NOD1: variants seen among roughly 807,000 people sequenced by gnomAD.
NOD1 encodes the protein nucleotide binding oligomerization domain containing 1.
In NOD1, 70 loss-of-function variants were observed where a neutral mutation model predicts 81.2. The ratio of observed to expected loss-of-function variants is 0.86; its 90% CI spans 0.71 to 1.05. The LOEUF (loss-of-function observed/expected upper bound fraction) is 1.05. Among genes scored for constraint, NOD1 ranks in the 50% least tolerant of loss-of-function variants. The pLI, the probability that NOD1 is intolerant of heterozygous loss-of-function variation, is 0.00. For synonymous variants in NOD1, 508 were observed against 526.9 expected, an observed-to-expected ratio of 0.96 and a Z score of 0.49; for missense variants, 1,233 against 1,228.0, an observed-to-expected ratio of 1.00 and a Z score of -0.06.
rs34626585 is a variant in NOD1, at chr7:30,455,590, C to CTTT, written c.202-282_202-280dup. Among the ~76,000 whole-genome samples, 637 of 143,054 alleles carry CTTT rather than the reference C, an allele frequency of 4.5e-3. 6 individuals carry two copies. Among genetic ancestry groups the CTTT allele is most frequent in the Non-Finnish European group, 6.0e-3 (391 of 65,692 alleles). 93.8% of individuals were successfully genotyped at this position (143,054 alleles called of 152,430 possible). A position where few individuals can be genotyped will look rare whatever the true frequency, so the allele number is the denominator to read the frequency against. On this transcript the variant is annotated intron_variant, in intron 4 of 13. Coordinates refer to ENST00000222823, the MANE Select transcript of NOD1 (RefSeq NM_006092.4). ...CAAATAGCCATGGACTTCTCTACCTCTTTTTTTTTTTTTTCTTTTTTGAGA... is the reference window on the plus strand; with the variant it reads ...CAAATAGCCATGGACTTCTCTACCTCTTTTTTTTTTTTTTTTTCTTTTTTGAGA...
chr7:30,450,974 G>A (rs1458605085), intron 6 of NOD1, among the ~76,000 whole-genome samples: 1 of 152,204 alleles, frequency 6.6e-6, no homozygotes, highest in Non-Finnish European at 1.5e-5. Context: ...TTCCAGATGA[G>A]GGCGTGGAGG....
At chr7:30,463,080 T>C (rs2128088620) in intron 1 of NOD1, among the ~76,000 whole-genome samples, 1 of 151,530 alleles carries the variant, frequency 6.6e-6, no homozygotes, top group South Asian at 2.1e-4. Flanking sequence ...ATAAGGAAAA[T>C]TTCTGGGGAG....
At chr7:30,464,176 G>A (rs4409301) in intron 1 of NOD1, 23,539 of 152,280 alleles carry the variant, frequency 0.15, 2,080 homozygotes, top group Admixed American at 0.23. Context: ...ACGTGCCAAA[G>A]GGAGGCTCAA....
chr7:30,460,759 T>C (rs1786969828), intron 1 of NOD1: 5 of 846,792 alleles, frequency 5.9e-6, no homozygotes, highest in Non-Finnish European at 7.1e-6. Context: ...GCATTTCCTC[T>C]CAACCGCTCT....
chr7:30,438,610 C>G (rs1347247468), intron 9 of NOD1, among the ~76,000 whole-genome samples: 2 of 152,226 alleles, frequency 1.3e-5, no homozygotes, highest in African/African-American at 4.8e-5. Flanking sequence ...AGCAAACTAC[C>G]TGCTTACACC....
intron 3 of NOD1, among the ~76,000 whole-genome samples, chr7:30,458,733 G>A (rs946928521): frequency 2.0e-5 from 3 of 148,484 alleles, no homozygotes; most frequent in African/African-American, 7.5e-5. Flanking sequence ...TACTAATCCA[G>A]CCTTTTCTTT....
chr7:30,448,438 C>G (rs759965860), intron 6 of NOD1, 57 bp from the exon 7 acceptor site: 3 of 1,388,856 alleles, frequency 2.2e-6, no homozygotes, highest in Non-Finnish European at 3.1e-6. Context: ...TATGAAGGAC[C>G]ATTAATCTTA....
At chr7:30,433,253 G>C in intron 11 of NOD1, 74 bp from the exon 12 acceptor site, 1 of 1,204,464 alleles carries the variant, frequency 8.3e-7, no homozygotes. Context: ...CACAGGAGCG[G>C]GAGCTCAGCC....
intron 1 of NOD1, among the ~76,000 whole-genome samples, chr7:30,465,657 C>CTT (rs11382352): frequency 6.1e-5 from 9 of 148,542 alleles, no homozygotes; most frequent in Admixed American, 2.0e-4. Flanking sequence ...ATTATTCGCT[C>CTT]TTTTTTTTTT....
At chr7:30,450,317 G>C (rs756787933) in intron 6 of NOD1, among the ~76,000 whole-genome samples, 5 of 152,136 alleles carry the variant, frequency 3.3e-5, no homozygotes, top group Non-Finnish European at 7.4e-5. Flanking sequence ...TCCCAGGCTA[G>C]GGCAGCCTTC....
intron 1 of NOD1, among the ~76,000 whole-genome samples, chr7:30,476,900 T>C (rs1327013885): frequency 2.0e-5 from 3 of 152,224 alleles, no homozygotes; most frequent in Non-Finnish European, 4.4e-5. Context: ...ATAGTGGCTG[T>C]ACTAAGTAAA....
chr7:30,438,839 A>T (rs573387233), intron 9 of NOD1, among the ~76,000 whole-genome samples: 2 of 152,354 alleles, frequency 1.3e-5, no homozygotes, highest in Admixed American at 1.3e-4. Flanking sequence ...TAAAAGTTGT[A>T]CAAAGAGAGA....
At chr7:30,437,147 TCTCA>T (rs1292798997) in intron 10 of NOD1, among the ~76,000 whole-genome samples, 2 of 151,966 alleles carry the variant, frequency 1.3e-5, no homozygotes, top group Non-Finnish European at 2.9e-5. Flanking sequence ...CACTGCATGT[TCTCA>T]CTCGTAAGTG....
At chr7:30,455,084 C>T (rs1786199722) in intron 5 of NOD1, 53 bp downstream of exon 5, 2 of 1,581,200 alleles carry the variant, frequency 1.3e-6, no homozygotes, top group Non-Finnish European at 1.7e-6. Flanking sequence ...TACCAAACCC[C>T]CCAGGGCCCT....
chr7:30,472,138 G>T (rs1312739144), intron 1 of NOD1, among the ~76,000 whole-genome samples: 1 of 152,226 alleles, frequency 6.6e-6, no homozygotes, highest in Non-Finnish European at 1.5e-5. Context: ...ACAGGAAAAA[G>T]TCAGGAGGGG....
intron 11 of NOD1, among the ~76,000 whole-genome samples, chr7:30,434,479 T>C (rs1428193377): frequency 6.6e-6 from 1 of 152,158 alleles, no homozygotes; most frequent in Non-Finnish European, 1.5e-5. Context: ...GACCAAAATG[T>C]CAACAGCATC....
Position 30,446,994 on chromosome 7 carries a change from T to C in NOD1, c.2342A>G (p.Asp781Gly). 6.2e-7 allele frequency: 1 copy of C among 1,614,180 alleles called. No individual in the cohort carries two copies. Among genetic ancestry groups the C allele is most frequent in the Non-Finnish European group, 8.5e-7 (1 of 1,179,996 alleles). ...VGARYVTKILDECKGLTHLKL... is the reference protein window; with the variant it reads ...VGARYVTKILGECKGLTHLKL... ...AAGATGCGTGAGGCCTTTGCATTCA[T>C]CCAGGATTTTGGTGACGTACCTGGC... The change falls in exon 8 of 14, where the codon GAT becomes GGT. Residue 781 changes from aspartate (D) to glycine (G), a missense_variant. Coordinates refer to ENST00000222823, the MANE Select transcript of NOD1 (RefSeq NM_006092.4).
chr7:30,425,696 A>G lies in NOD1; in HGVS notation c.2804T>C (p.Leu935Pro). 1 of 1,613,292 alleles carries G rather than the reference A, an allele frequency of 6.2e-7. No homozygotes were observed. Among genetic ancestry groups the G allele is most frequent in the Non-Finnish European group, 8.5e-7 (1 of 1,179,200 alleles). The change falls in exon 14 of 14, where the codon CTG becomes CCG. Residue 935 changes from leucine to proline, a missense_variant. Transcript: ENST00000222823. ...GACTTTGGCCTCCTCTGGTTTTATC[A>G]GGTTTCCATTTAGGCTGTTGAAAAG... ...GITEICLNGN[L>P]IKPEEAKVYE...
chr7:30,458,012 C>T (rs909795649), intron 3 of NOD1, among the ~76,000 whole-genome samples: 2 of 152,086 alleles, frequency 1.3e-5, no homozygotes, highest in East Asian at 1.9e-4. Flanking sequence ...GAGGGAGAGC[C>T]GGCACAGAGT....
Sources: gnomAD v4.1 joint callset for allele counts (sites outside exome capture counted in the v4.1 genomes callset) on GRCh38, gnomAD v4.1.1 for gene constraint, MANE v1.5 for transcripts, NCBI Gene and HGNC (gene_info 2026-07-23, HGNC 2026-07-21) for gene names.